PCDHA9: variants seen among roughly 807,000 people sequenced by gnomAD.
PCDHA9 encodes the protein protocadherin alpha-9.
A neutral mutation model predicts 62.0 loss-of-function variants in PCDHA9; 62 were observed. That is an observed-to-expected ratio of 1.00 (90% CI 0.81 to 1.23). PCDHA9 has a LOEUF of 1.23. Ranked by LOEUF, PCDHA9 falls within the 50% of genes most tolerant of loss-of-function variation. The pLI is 0.00. For missense variants in PCDHA9, 1,205 were observed against 1,249.8 expected (o/e 0.96, Z 0.54); for synonymous variants, 557 against 567.6 (o/e 0.98, Z 0.27).
rs1175289327 is a variant in PCDHA9 at position 140,945,113 on chromosome 5, T to TA, written c.2395-33830dup. ...TAATAAACAAAATAAAGTTGAAAGA[T>TA]AAAAAATCAACTTACAAAAATCAAT... On this transcript the variant is annotated intron_variant, in intron 1 of 3. Coordinates refer to ENST00000532602, the MANE Select transcript of PCDHA9 (RefSeq NM_031857.2). Among the ~76,000 whole-genome samples, 7 of 152,200 alleles carry TA rather than the reference T, an allele frequency of 4.6e-5. No individual in the cohort carries two copies. In the East Asian group the frequency reaches 1.2e-3, roughly 25 times the overall value.
chr5:140,936,619 T>C (rs2153629684), intron 1 of PCDHA9, among the ~76,000 whole-genome samples: 1 of 152,366 alleles, frequency 6.6e-6, no homozygotes, highest in East Asian at 1.9e-4. Context: ...TACTGTGCAG[T>C]GCTACCTTTG....
At chr5:141,005,725 A>AAAAAAG (rs2098234610) in intron 3 of PCDHA9, among the ~76,000 whole-genome samples, 2 of 150,088 alleles carry the variant, frequency 1.3e-5, no homozygotes, top group Admixed American at 6.6e-5. Flanking sequence ...AAAAAAAAAA[A>AAAAAAG]AAAAAAGAAT....
chr5:140,855,410 T>A (rs2043456249), intron 1 of PCDHA9, among the ~76,000 whole-genome samples: 1 of 149,998 alleles, frequency 6.7e-6, no homozygotes, highest in Admixed American at 6.7e-5. Context: ...TTGAAGCTAA[T>A]GATCTCTAAA....
At chr5:140,856,750 C>T (rs1554149043) in intron 1 of PCDHA9, 2 of 1,596,152 alleles carry the variant, frequency 1.3e-6, no homozygotes, top group Non-Finnish European at 1.7e-6. Flanking sequence ...TGTTAGATGC[C>T]AATGATAACG....
chr5:140,998,070 G>T (rs2097795700), intron 3 of PCDHA9, among the ~76,000 whole-genome samples: 1 of 152,050 alleles, frequency 6.6e-6, no homozygotes, highest in Admixed American at 6.6e-5. Context: ...AACAGACTTA[G>T]CCTCTGCAGT....
intron 1 of PCDHA9, among the ~76,000 whole-genome samples, chr5:140,943,180 C>T (rs2093431387): frequency 6.7e-6 from 1 of 149,602 alleles, no homozygotes; most frequent in South Asian, 2.1e-4. Context: ...ATCGCTTGAA[C>T]CCTGGAGGTG....
At chr5:140,930,616 G>T (rs2086997332) in intron 1 of PCDHA9, among the ~76,000 whole-genome samples, 2 of 152,154 alleles carry the variant, frequency 1.3e-5, no homozygotes, top group African/African-American at 4.8e-5. Context: ...TGCAAGAGAA[G>T]GAGGTGTGTA....
At chr5:140,870,092 C>T (rs2051656113) in intron 1 of PCDHA9, 2 of 1,613,728 alleles carry the variant, frequency 1.2e-6, no homozygotes, top group African/African-American at 1.3e-5. Context: ...CCCCCAATGG[C>T]AGGTCACTGT....
At chr5:140,967,198 C>T (rs2096112626) in intron 1 of PCDHA9, 9 of 1,613,662 alleles carry the variant, frequency 5.6e-6, no homozygotes, top group South Asian at 1.1e-5. Flanking sequence ...TCAACGACAA[C>T]TCACCGCGTT....
intron 1 of PCDHA9, chr5:140,881,309 G>C (rs535656328): frequency 1.0e-6 from 1 of 975,612 alleles, no homozygotes; most frequent in East Asian, 1.1e-4. Context: ...TTAACCTCCT[G>C]GTTAAATTCT....
intron 1 of PCDHA9, chr5:140,929,377 CTGT>C (rs782747382): frequency 6.6e-7 from 1 of 1,514,350 alleles, no homozygotes; most frequent in Non-Finnish European, 8.8e-7. Flanking sequence ...TGGCTGCTAG[CTGT>C]GTTTTGAAAT....
At chr5:140,917,262 T>C (rs1222739469) in intron 1 of PCDHA9, among the ~76,000 whole-genome samples, 1 of 151,720 alleles carries the variant, frequency 6.6e-6, no homozygotes, top group Middle Eastern at 3.2e-3. Context: ...CACCTGATGT[T>C]TGGTTTTTGT....
At chr5:140,871,010 TGG>T in intron 1 of PCDHA9, 1 of 1,613,348 alleles carries the variant, frequency 6.2e-7, no homozygotes, top group South Asian at 1.1e-5. Context: ...ACGCGTGCCC[TGG>T]ACGAGGCAGA....
chr5:140,928,573 A>G (rs1353807568), intron 1 of PCDHA9: 2 of 1,614,110 alleles, frequency 1.2e-6, no homozygotes, highest in African/African-American at 1.3e-5. Context: ...TCCCTTGCCC[A>G]GAAATGGTTC....
intron 1 of PCDHA9, chr5:140,862,653 G>A: frequency 1.8e-6 from 1 of 544,670 alleles, no homozygotes; most frequent in Non-Finnish European, 3.7e-6. Context: ...TGTCCGCGCG[G>A]GACCGGGACG....
rs557640687 is a variant in PCDHA9 at position 140,964,686 on chromosome 5, C to T, written c.2395-14263C>T. 7.2e-5 allele frequency among the ~76,000 whole-genome samples: 11 copies of T among 151,874 alleles called. No individual in the cohort carries two copies. In the East Asian group the frequency reaches 2.1e-3, roughly 29 times the overall value. On this transcript the variant is annotated intron_variant, in intron 1 of 3. Coordinates refer to ENST00000532602, the MANE Select transcript of PCDHA9 (RefSeq NM_031857.2). ...ACAGGCCAGGTCCACAATTTGTGCA[C>T]TTGAGAGATTAAGGCCTCCGAGATC...
Position 140,884,627 on chromosome 5 carries a change from G to C in PCDHA9, c.2394+33738G>C, listed in dbSNP as rs140550923. On this transcript the variant is annotated intron_variant, in intron 1 of 3. Transcript: ENST00000532602. ...TTGTCTGGGTTCTGCAGAGGGAACA[G>C]GCCAGAGGGAGGAGGACTCAGAATG... The C allele has an allele frequency of 4.8e-5, 77 of 1,612,780 alleles. No individual in the cohort carries two copies. In the African/African-American group the frequency reaches 8.8e-4, roughly 18 times the overall value.
intron 3 of PCDHA9, among the ~76,000 whole-genome samples, chr5:141,000,361 GTCTCTCTCTCTCTC>G (rs148596731): frequency 5.7e-4 from 15 of 26,444 alleles, no homozygotes; most frequent in African/African-American, 2.0e-3. Context: ...GTCTCTCTCT[GTCTCTCTCTCTCTC>G]TCTCTCTCTC....
intron 1 of PCDHA9, among the ~76,000 whole-genome samples, chr5:140,942,139 A>G (rs1211983428): frequency 6.6e-6 from 1 of 152,248 alleles, no homozygotes; most frequent in African/African-American, 2.4e-5. Flanking sequence ...TTGTGGCTTT[A>G]CTTGACATAA....
Sources: gnomAD v4.1 joint callset for allele counts (sites outside exome capture counted in the v4.1 genomes callset) on GRCh38, gnomAD v4.1.1 for gene constraint, MANE v1.5 for transcripts, NCBI Gene and HGNC (gene_info 2026-07-23, HGNC 2026-07-21) for gene names.